Variants in YTHDF2 observed in about 807,000 individuals in gnomAD.
The protein encoded by YTHDF2 is YTH domain-containing family protein 2.
In YTHDF2, 2 loss-of-function variants were observed where a neutral mutation model predicts 50.4. That is an observed-to-expected ratio of 0.04 (90% CI 0.02 to 0.12). The LOEUF is 0.12. Ranked by LOEUF, YTHDF2 falls within the 10% of genes least tolerant of loss-of-function variation. The pLI is 1.00. For synonymous variants in YTHDF2, 217 were observed against 255.6 expected (o/e 0.85, Z 1.44); for missense variants, 483 against 722.6 (o/e 0.67, Z 3.80).
At chr1:28,764,894 C>T (rs928880177) in intron 4 of YTHDF2, among the ~76,000 whole-genome samples, 16 of 151,642 alleles carry the variant, frequency 1.1e-4, no homozygotes, top group African/African-American at 3.6e-4. Context: ...GATGAGGTCT[C>T]GCTATGTTCT....
At chr1:28,754,241 T>C (rs529768351) in intron 4 of YTHDF2, among the ~76,000 whole-genome samples, 32 of 152,296 alleles carry the variant, frequency 2.1e-4, no homozygotes, top group African/African-American at 7.5e-4. Context: ...TCAAAACATC[T>C]ATGAGGCTGG....
intron 4 of YTHDF2, among the ~76,000 whole-genome samples, chr1:28,763,802 C>T (rs540983040): frequency 2.1e-4 from 31 of 150,338 alleles, no homozygotes; most frequent in African/African-American, 7.3e-4. Flanking sequence ...TGAGCCTGGC[C>T]GACAATTTAT....
intron 4 of YTHDF2, among the ~76,000 whole-genome samples, chr1:28,753,780 C>T (rs2087995171): frequency 6.6e-6 from 1 of 150,586 alleles, no homozygotes; most frequent in Admixed American, 6.6e-5. Context: ...GATCTTGGCT[C>T]GCTGCAGCCT....
intron 4 of YTHDF2, among the ~76,000 whole-genome samples, chr1:28,753,914 C>T (rs2087997927): frequency 6.6e-6 from 1 of 151,948 alleles, no homozygotes; most frequent in Non-Finnish European, 1.5e-5. Context: ...ATCATGTTGG[C>T]TAGGCTGGTC....
chr1:28,749,122 A>T (rs1008499278), intron 4 of YTHDF2, among the ~76,000 whole-genome samples: 22 of 150,902 alleles, frequency 1.5e-4, no homozygotes, highest in African/African-American at 4.6e-4. Flanking sequence ...TTGTTGAGGG[A>T]ATCATTGTGC....
At chr1:28,741,458 T>C (rs2087775103) in intron 3 of YTHDF2, among the ~76,000 whole-genome samples, 1 of 152,104 alleles carries the variant, frequency 6.6e-6, no homozygotes, top group South Asian at 2.1e-4. Context: ...CCACCATGCC[T>C]AGCTAATTTT....
chr1:28,737,013 T>G lies in YTHDF2; in HGVS notation c.-108T>G, dbSNP rs1370252088. The G allele has an allele frequency of 7.2e-7, 1 of 1,396,462 alleles. No individual in the cohort carries two copies. The highest frequency in any genetic ancestry group is 2.1e-5 in the Admixed American group (1 of 47,518). 86.5% of individuals were successfully genotyped at this position (1,396,462 alleles called of 1,614,324 possible). ...CGCTGCGTCCGCCGAGGCCCCCGAGTGTCAGGGACAAAAGCCTCCGCCTGC... is the reference window on the plus strand; with the variant it reads ...CGCTGCGTCCGCCGAGGCCCCCGAGGGTCAGGGACAAAAGCCTCCGCCTGC... On this transcript the variant is annotated 5_prime_UTR_variant, in exon 1 of 5. Transcript: ENST00000373812.
intron 4 of YTHDF2, among the ~76,000 whole-genome samples, chr1:28,763,010 A>G (rs1030531590): frequency 1.5e-4 from 23 of 151,942 alleles, no homozygotes; most frequent in Middle Eastern, 6.8e-3. Context: ...TATTTTTAGT[A>G]GAGATGGGGT....
At position 28,742,552 on chromosome 1, in the gene YTHDF2, C is replaced by T. The variant is rs759340655; in HGVS notation, c.282C>T (p.Asn94=). ...TAACTTCTTATGGACAGCTGAGCAA[C>T]GGAGAGCCCCACTTCCTACCAGATG... ...PYLTSYGQLS[N]GEPHFLPDAM... The change falls in exon 4 of 5, where the codon AAC becomes AAT. Residue 94 remains asparagine (N), a synonymous_variant. Coordinates refer to ENST00000373812, the MANE Select transcript of YTHDF2 (RefSeq NM_016258.3). 22 of 1,614,044 alleles carry T rather than the reference C, an allele frequency of 1.4e-5. No homozygotes were observed. The highest frequency in any genetic ancestry group is 1.6e-4 in the Middle Eastern group (1 of 6,062).
At chr1:28,737,318 T>G in intron 1 of YTHDF2, 171 bp downstream of exon 1, 1 of 831,712 alleles carries the variant, frequency 1.2e-6, no homozygotes, top group African/African-American at 1.8e-5. Context: ...CTCAGCCTGT[T>G]CTTCCCGCTT....
At chr1:28,750,215 C>G (rs897922568) in intron 4 of YTHDF2, among the ~76,000 whole-genome samples, 3 of 151,610 alleles carry the variant, frequency 2.0e-5, no homozygotes, top group Non-Finnish European at 4.4e-5. Context: ...GGTCTTGAAC[C>G]CTTGACTTTG....
At chr1:28,754,180 C>T (rs916346411) in intron 4 of YTHDF2, among the ~76,000 whole-genome samples, 3 of 152,186 alleles carry the variant, frequency 2.0e-5, no homozygotes, top group Non-Finnish European at 2.9e-5. Context: ...ACCTGGGAGG[C>T]AGTATCCTGT....
At chr1:28,753,473 G>A (rs550576984) in intron 4 of YTHDF2, among the ~76,000 whole-genome samples, 13 of 149,766 alleles carry the variant, frequency 8.7e-5, no homozygotes, top group Non-Finnish European at 1.6e-4. Context: ...GCTTGAGCCC[G>A]GGACGTCAAG....
At position 28,769,756 on chromosome 1, in the gene YTHDF2, TGA is replaced by T. The variant is rs2124219553; in HGVS notation, c.*807_*808del. 6.5e-6 allele frequency: 1 copy of T among 152,770 alleles called. No homozygotes were observed. Among genetic ancestry groups the T allele is most frequent in the Non-Finnish European group, 1.5e-5 (1 of 68,038 alleles). The allele number at this position is 152,770 out of a possible 1,614,324, so 9.5% of individuals were successfully genotyped here. ...ACCATTAATCACTTCTCAATAAACGTGAGATCCTGTTGAGCATCACTTCTAGT... is the reference window on the plus strand; with the variant it reads ...ACCATTAATCACTTCTCAATAAACGTGATCCTGTTGAGCATCACTTCTAGT... On this transcript the variant is annotated 3_prime_UTR_variant, in exon 5 of 5. Transcript: ENST00000373812.
chr1:28,736,825 A>C (rs1439470817), upstream of YTHDF2: 2 of 387,746 alleles, frequency 5.2e-6, no homozygotes, highest in Non-Finnish European at 9.3e-6. Flanking sequence ...TGAATGTGAG[A>C]GTCAGCGCTC....
rs1378312110 is a variant in YTHDF2, at chr1:28,742,961, A to G, written c.691A>G (p.Ile231Val). The G allele has an allele frequency of 1.9e-6, 3 of 1,614,174 alleles. No homozygotes were observed. The highest frequency in any genetic ancestry group is 2.2e-5 in the East Asian group (1 of 44,888). The change falls in exon 4 of 5, where the codon ATT becomes GTT. Residue 231 changes from isoleucine to valine, a missense_variant. Physicochemically the swap from Ile to Val is conservative, Grantham distance 29 (BLOSUM62 3). Coordinates refer to ENST00000373812, the MANE Select transcript of YTHDF2 (RefSeq NM_016258.3). ...TTCCAATAGTTTGCCTCCAGCCACC[A>G]TTGCTCCTCCAAAACCAGCATCTTG... ...VASNSLPPAT[I>V]APPKPASWAD...
At chr1:28,747,833 C>T (rs1275638872) in intron 4 of YTHDF2, among the ~76,000 whole-genome samples, 3 of 151,230 alleles carry the variant, frequency 2.0e-5, no homozygotes, top group African/African-American at 7.3e-5. Context: ...CTTGTAAGAA[C>T]TGCTGGCACT....
chr1:28,750,534 A>G (rs1452977192), intron 4 of YTHDF2, among the ~76,000 whole-genome samples: 1 of 152,180 alleles, frequency 6.6e-6, no homozygotes, highest in Non-Finnish European at 1.5e-5. Context: ...CTGACTCAGG[A>G]TAACATTTCA....
chr1:28,748,442 A>G (rs1244017264), intron 4 of YTHDF2, among the ~76,000 whole-genome samples: 1 of 152,170 alleles, frequency 6.6e-6, no homozygotes, highest in African/African-American at 2.4e-5. Context: ...TGGTAACCCC[A>G]TAAAGAAGTA....
Sources: gnomAD v4.1 joint callset for allele counts (sites outside exome capture counted in the v4.1 genomes callset) on GRCh38, gnomAD v4.1.1 for gene constraint, MANE v1.5 for transcripts, NCBI Gene and HGNC (gene_info 2026-07-23, HGNC 2026-07-21) for gene names.